Variants in ROBO2 observed in about 807,000 individuals in gnomAD.
ROBO2 encodes the protein roundabout homolog 2.
A neutral mutation model predicts 160.8 loss-of-function variants in ROBO2; 53 were observed. That is an observed-to-expected ratio of 0.33 (90% confidence interval 0.26 to 0.41). The LOEUF (loss-of-function observed/expected upper bound fraction) is 0.41, where lower values mean the gene tolerates loss of function less well. ROBO2 is among the 10% of genes least tolerant of loss of function. ROBO2 has a pLI of 1.00. For missense variants in ROBO2, 1,577 were observed against 1,722.4 expected, an observed-to-expected ratio of 0.92 and a Z score of 1.49; for synonymous variants, 664 against 611.7, an observed-to-expected ratio of 1.09 and a Z score of -1.26.
chr3:76,759,873 C>T (rs1035949269), intron 2 of ROBO2, among the ~76,000 whole-genome samples: 3 of 151,748 alleles, frequency 2.0e-5, no homozygotes, highest in African/African-American at 4.8e-5. Flanking sequence ...GCAGCGGCTC[C>T]GCGATTCTCT....
chr3:76,249,690 G>A (rs950811972), intron 2 of ROBO2, among the ~76,000 whole-genome samples: 1 of 152,004 alleles, frequency 6.6e-6, no homozygotes, highest in Non-Finnish European at 1.5e-5. Context: ...AAAATTATTT[G>A]GCTATATTAT....
At chr3:77,102,664 C>G (rs1189528449) in intron 2 of ROBO2, among the ~76,000 whole-genome samples, 1 of 151,996 alleles carries the variant, frequency 6.6e-6, no homozygotes, top group Non-Finnish European at 1.5e-5. Context: ...TGATAACCAT[C>G]TGTCTTGACT....
intron 2 of ROBO2, among the ~76,000 whole-genome samples, chr3:76,516,598 C>T (rs912718258): frequency 1.3e-5 from 2 of 151,916 alleles, no homozygotes; most frequent in Admixed American, 6.6e-5. Context: ...GTGTACTCTC[C>T]GTTCTTGCAT....
chr3:77,011,054 C>CTTCTCTCTTTCT (rs1553726600), intron 2 of ROBO2, among the ~76,000 whole-genome samples: 1 of 106,746 alleles, frequency 9.4e-6, no homozygotes, highest in African/African-American at 3.7e-5. Context: ...TTCTTTCTTT[C>CTTCTCTCTTTCT]TTCTTTCTTT....
At chr3:77,322,012 T>TGGAA (rs950386658) in intron 2 of ROBO2, among the ~76,000 whole-genome samples, 3 of 152,152 alleles carry the variant, frequency 2.0e-5, no homozygotes, top group Admixed American at 2.0e-4. Context: ...GCTTCAAGTA[T>TGGAA]GGAAGGCTTA....
At chr3:76,573,703 A>G (rs558421128) in intron 2 of ROBO2, among the ~76,000 whole-genome samples, 3 of 152,144 alleles carry the variant, frequency 2.0e-5, no homozygotes, top group Non-Finnish European at 2.9e-5. Flanking sequence ...ATCTTTGATG[A>G]GGGCTCATCA....
chr3:76,270,125 T>C (rs1013563052), intron 2 of ROBO2, among the ~76,000 whole-genome samples: 2 of 152,032 alleles, frequency 1.3e-5, no homozygotes, highest in African/African-American at 4.8e-5. Context: ...GAATATGTCT[T>C]AGGTAATTTC....
At chr3:77,202,445 T>G (rs1359895494) in intron 2 of ROBO2, among the ~76,000 whole-genome samples, 1 of 152,200 alleles carries the variant, frequency 6.6e-6, no homozygotes, top group African/African-American at 2.4e-5. Context: ...TACTAGTGTT[T>G]TTAATATACA....
chr3:76,529,359 T>G (rs1041897636), intron 2 of ROBO2, among the ~76,000 whole-genome samples: 69 of 152,114 alleles, frequency 4.5e-4, no homozygotes, highest in Non-Finnish European at 7.6e-4. Flanking sequence ...GTATTTTTTT[T>G]GGGTCCCCTG....
chr3:76,109,102 A>C (rs572392070), intron 2 of ROBO2, among the ~76,000 whole-genome samples: 2 of 152,142 alleles, frequency 1.3e-5, no homozygotes, highest in East Asian at 3.9e-4. Flanking sequence ...ACAATATTGA[A>C]ATTATTGCTA....
At chr3:76,179,051 A>G (rs922180042) in intron 2 of ROBO2, among the ~76,000 whole-genome samples, 1 of 152,174 alleles carries the variant, frequency 6.6e-6, no homozygotes, top group Non-Finnish European at 1.5e-5. Flanking sequence ...AGTTATTAAT[A>G]TCATTATTTG....
At chr3:76,280,779 G>A (rs1019134609) in intron 2 of ROBO2, among the ~76,000 whole-genome samples, 3 of 151,892 alleles carry the variant, frequency 2.0e-5, no homozygotes, top group South Asian at 2.1e-4. Context: ...TTTACTTTGA[G>A]TTCTTCCCCA....
At chr3:75,996,765 CAA>C in intron 2 of ROBO2, among the ~76,000 whole-genome samples, 1 of 82,598 alleles carries the variant, frequency 1.2e-5, no homozygotes, top group African/African-American at 3.4e-5. Context: ...TGTAAATCAT[CAA>C]TTCTGATATA....
At chr3:76,325,219 A>G (rs746138006) in intron 2 of ROBO2, among the ~76,000 whole-genome samples, 1 of 152,246 alleles carries the variant, frequency 6.6e-6, no homozygotes, top group Non-Finnish European at 1.5e-5. Flanking sequence ...CTGTATTTCC[A>G]TATTTTATAA....
At chr3:76,556,578 TTATG>T (rs1208452181) in intron 2 of ROBO2, among the ~76,000 whole-genome samples, 21 of 152,176 alleles carry the variant, frequency 1.4e-4, no homozygotes, top group Non-Finnish European at 2.6e-4. Context: ...TGAAGTTTAA[TTATG>T]TAAGTAAACA....
intron 2 of ROBO2, among the ~76,000 whole-genome samples, chr3:76,329,407 G>A (rs1196884639): frequency 6.6e-6 from 1 of 152,152 alleles, no homozygotes; most frequent in South Asian, 2.1e-4. Flanking sequence ...TAGTAGAGAT[G>A]GGGTTTCCCC....
rs116533148 is a variant in ROBO2 at position 76,672,505 on chromosome 3, G to A, written c.110-425509G>A. ...AAACAAAATACTAATAATACAATATGAGAAGCCCTATAATGTTGTACGTAT... is the reference window on the plus strand; with the variant it reads ...AAACAAAATACTAATAATACAATATAAGAAGCCCTATAATGTTGTACGTAT... On this transcript the variant is annotated intron_variant, in intron 2 of 26. Transcript: ENST00000487694. Among the ~76,000 whole-genome samples the A allele has an allele frequency of 3.2e-3, 490 of 152,238 alleles. 3 individuals carry two copies. Among genetic ancestry groups the A allele is most frequent in the African/African-American group, 0.011 (453 of 41,554 alleles).
At chr3:76,024,867 A>G (rs1325865712) in intron 2 of ROBO2, among the ~76,000 whole-genome samples, 15 of 151,282 alleles carry the variant, frequency 9.9e-5, no homozygotes, top group Admixed American at 9.3e-4. Context: ...TTTTGCTTTC[A>G]GCAATCTCTA....
intron 2 of ROBO2, among the ~76,000 whole-genome samples, chr3:76,250,920 T>G (rs535519439): frequency 6.6e-6 from 1 of 152,042 alleles, no homozygotes. Context: ...GCAACAACTT[T>G]TATTCTTATA....
Sources: gnomAD v4.1 joint callset for allele counts (sites outside exome capture counted in the v4.1 genomes callset) on GRCh38, gnomAD v4.1.1 for gene constraint, MANE v1.5 for transcripts, NCBI Gene and HGNC (gene_info 2026-07-23, HGNC 2026-07-21) for gene names.